The following RABGAP1L variants were observed in gnomAD, a reference collection of about 807,000 sequenced individuals.
The protein encoded by RABGAP1L is rab GTPase-activating protein 1-like.
A neutral mutation model predicts 137.7 loss-of-function variants in RABGAP1L; 63 were observed. That is an observed-to-expected ratio of 0.46 (90% confidence interval 0.37 to 0.56). The LOEUF (loss-of-function observed/expected upper bound fraction) is 0.56. RABGAP1L is among the 20% of genes least tolerant of loss of function. RABGAP1L has a pLI of 0.00. For synonymous variants in RABGAP1L, 431 were observed against 433.7 expected (o/e 0.99, Z 0.08); for missense variants, 1,095 against 1,244.0 (o/e 0.88, Z 1.80).
At chr1:174,696,448 A>C (rs1342037200) in intron 15 of RABGAP1L, among the ~76,000 whole-genome samples, 1 of 152,088 alleles carries the variant, frequency 6.6e-6, no homozygotes, top group Non-Finnish European at 1.5e-5. Context: ...ATGTACCCCA[A>C]GTCCACTGGC....
chr1:174,548,521 A>T lies in RABGAP1L; in HGVS notation c.1711-88854A>T, dbSNP rs575036959. ...CTCATGGCAGTGTACAAATGAAATTATTCTGTAAGTTTTTCAAAACAGTAA... is the reference window on the plus strand; with the variant it reads ...CTCATGGCAGTGTACAAATGAAATTTTTCTGTAAGTTTTTCAAAACAGTAA... On this transcript the variant is annotated intron_variant, in intron 13 of 25. Transcript: ENST00000681986. 40 of 960,302 alleles carry T rather than the reference A, an allele frequency of 4.2e-5. No homozygotes were observed. In the African/African-American group the frequency reaches 6.0e-4, roughly 14 times the overall value. 59.5% of individuals were successfully genotyped at this position (960,302 alleles called of 1,614,324 possible).
At chr1:174,396,625 A>G (rs573343019) in intron 13 of RABGAP1L, among the ~76,000 whole-genome samples, 12 of 152,168 alleles carry the variant, frequency 7.9e-5, no homozygotes, top group Admixed American at 7.9e-4. Flanking sequence ...ATTGGCTGCC[A>G]TGGGGTAGGA....
intron 15 of RABGAP1L, among the ~76,000 whole-genome samples, chr1:174,699,096 C>T (rs1679465214): frequency 6.6e-6 from 1 of 151,908 alleles, no homozygotes; most frequent in Non-Finnish European, 1.5e-5. Context: ...CAGGCTCAAG[C>T]GATCCTTCCA....
intron 13 of RABGAP1L, among the ~76,000 whole-genome samples, chr1:174,506,636 A>C (rs1430043019): frequency 6.6e-6 from 1 of 152,196 alleles, no homozygotes; most frequent in African/African-American, 2.4e-5. Context: ...TATATTAGGT[A>C]ATGCGTGTGT....
chr1:174,453,063 A>C (rs1426708488), intron 13 of RABGAP1L, among the ~76,000 whole-genome samples: 1 of 152,242 alleles, frequency 6.6e-6, no homozygotes, highest in Admixed American at 6.5e-5. Context: ...CTCGTTTCCC[A>C]GGAATAGTTA....
At chr1:174,240,747 AG>A (rs1476789704) in intron 4 of RABGAP1L, among the ~76,000 whole-genome samples, 1 of 152,232 alleles carries the variant, frequency 6.6e-6, no homozygotes, top group African/African-American at 2.4e-5. Context: ...TGGGCTCTCC[AG>A]GAATAGTCTA....
At chr1:174,766,017 G>GGTAA (rs1000125364) in intron 18 of RABGAP1L, among the ~76,000 whole-genome samples, 1 of 152,110 alleles carries the variant, frequency 6.6e-6, no homozygotes. Context: ...TCTTTAAAGA[G>GGTAA]GTAATTAAGT....
intron 19 of RABGAP1L, among the ~76,000 whole-genome samples, chr1:174,921,461 G>A (rs1661791037): frequency 6.6e-6 from 1 of 152,098 alleles, no homozygotes; most frequent in Non-Finnish European, 1.5e-5. Context: ...TATAATAAAG[G>A]TGTACAATTC....
rs549794896 is a variant in RABGAP1L, at chr1:174,640,260, A to C, written c.1824+2772A>C. ...TGTTATTTAGTATCTCATGCCAGGA[A>C]ACCTTAAGTTTGATGATAGCTCACA... On this transcript the variant is annotated intron_variant, in intron 14 of 25. Coordinates refer to ENST00000681986, the MANE Select transcript of RABGAP1L (RefSeq NM_001366446.1). Among the ~76,000 whole-genome samples, 5 of 152,178 alleles carry C rather than the reference A, an allele frequency of 3.3e-5. No homozygotes were observed. The South Asian group carries it at 1.0e-3, about 32-fold the overall frequency.
chr1:174,690,652 A>G (rs1217817757), intron 15 of RABGAP1L, among the ~76,000 whole-genome samples: 1 of 152,204 alleles, frequency 6.6e-6, no homozygotes, highest in African/African-American at 2.4e-5. Flanking sequence ...TATATCATAC[A>G]GTGATAGAAT....
chr1:174,514,341 A>G (rs1428392842), intron 13 of RABGAP1L, among the ~76,000 whole-genome samples: 1 of 151,836 alleles, frequency 6.6e-6, no homozygotes, highest in Non-Finnish European at 1.5e-5. Context: ...AAAGTGGGAT[A>G]GAAGCCAGAC....
At chr1:174,832,575 G>A (rs1474998599) in intron 19 of RABGAP1L, among the ~76,000 whole-genome samples, 1 of 147,864 alleles carries the variant, frequency 6.8e-6, no homozygotes, top group Non-Finnish European at 1.5e-5. Context: ...AGTGCTATGA[G>A]CATGTTGCAA....
chr1:174,441,722 G>C lies in RABGAP1L; in HGVS notation c.1710+47577G>C, dbSNP rs186405940. ...GCACTCCTGCCTGGTCAACAAGATC[G>C]AAACTCTGTCTCAAAACAAACAAAC... is the stretch of plus-strand genomic sequence containing the variant. On this transcript the variant is annotated intron_variant, in intron 13 of 25. Coordinates refer to ENST00000681986, the MANE Select transcript of RABGAP1L (RefSeq NM_001366446.1). 5.1e-3 allele frequency among the ~76,000 whole-genome samples: 778 copies of C among 151,908 alleles called. 5 individuals carry two copies. Among genetic ancestry groups the C allele is most frequent in the Middle Eastern group, 0.014 (4 of 294 alleles).
At chr1:174,425,866 A>T (rs190176910) in intron 13 of RABGAP1L, among the ~76,000 whole-genome samples, 1 of 152,150 alleles carries the variant, frequency 6.6e-6, no homozygotes, top group Admixed American at 6.5e-5. Flanking sequence ...AAACTTTTTA[A>T]ACACCCATTT....
At chr1:174,437,779 C>A (rs1265229386) in intron 13 of RABGAP1L, among the ~76,000 whole-genome samples, 1 of 152,072 alleles carries the variant, frequency 6.6e-6, no homozygotes, top group Non-Finnish European at 1.5e-5. Context: ...AGATTTACCA[C>A]AGTGGAAATG....
chr1:174,248,167 A>G (rs981833515), intron 5 of RABGAP1L, among the ~76,000 whole-genome samples: 1 of 152,220 alleles, frequency 6.6e-6, no homozygotes. Context: ...TCCAGTAACT[A>G]TCCAGCTGAG....
intron 6 of RABGAP1L, 126 bp downstream of exon 6, chr1:174,250,758 A>G: frequency 2.4e-6 from 2 of 828,794 alleles, no homozygotes; most frequent in East Asian, 2.7e-5. Flanking sequence ...TGGCTGGTGA[A>G]TTAATATTTT....
chr1:174,721,502 C>G (rs561763459), intron 17 of RABGAP1L, among the ~76,000 whole-genome samples: 1 of 152,286 alleles, frequency 6.6e-6, no homozygotes, highest in South Asian at 2.1e-4. Flanking sequence ...GGCCTTTCAA[C>G]AAAGCCAAGT....
At chr1:174,577,545 G>A (rs933891855) in intron 13 of RABGAP1L, among the ~76,000 whole-genome samples, 1 of 152,022 alleles carries the variant, frequency 6.6e-6, no homozygotes, top group African/African-American at 2.4e-5. Context: ...TCTATGATAA[G>A]TTGTCTTTGT....
Sources: allele counts gnomAD v4.1 joint callset (sites outside exome capture counted in the v4.1 genomes callset), GRCh38; gene constraint gnomAD v4.1.1; transcripts MANE v1.5; gene names NCBI Gene and HGNC (gene_info 2026-07-23, HGNC 2026-07-21).